The following ZBTB20 variants were observed in gnomAD, a reference collection of about 807,000 sequenced individuals.
ZBTB20 encodes zinc finger and BTB domain containing 20, also known as zinc finger and BTB domain-containing protein 20.
Under a neutral mutation model 56.9 loss-of-function variants are expected in ZBTB20, and 9 were observed. The observed-to-expected ratio is 0.16, with a 90% confidence interval of 0.10 to 0.28. The LOEUF is 0.28. Among genes scored for constraint, ZBTB20 ranks in the 10% least tolerant of loss-of-function variants. The pLI, the probability that ZBTB20 is intolerant of heterozygous loss-of-function variation, is 1.00. For synonymous variants in ZBTB20, 417 were observed against 420.7 expected (o/e 0.99, Z 0.11); for missense variants, 655 against 1,003.0 (o/e 0.65, Z 4.69).
chr3:114,479,069 G>A (rs970046796), intron 7 of ZBTB20, among the ~76,000 whole-genome samples: 4 of 149,248 alleles, frequency 2.7e-5, no homozygotes, highest in Non-Finnish European at 5.9e-5. Context: ...CCTCTATTGG[G>A]GGGGGGCCAC....
chr3:115,089,232 T>A (rs940512219), intron 1 of ZBTB20, among the ~76,000 whole-genome samples: 2 of 151,814 alleles, frequency 1.3e-5, no homozygotes, highest in Non-Finnish European at 2.9e-5. Flanking sequence ...CAGAATTCAA[T>A]CCCAGTTCTG....
At position 114,671,671 on chromosome 3, in the gene ZBTB20, T is replaced by C. The variant is rs752566468; in HGVS notation, c.-295+21857A>G. On this transcript the variant is annotated intron_variant, in intron 6 of 11. Coordinates refer to ENST00000675478, the MANE Select transcript of ZBTB20 (RefSeq NM_001348800.3). ...GATCGGTCTGTTCAGTGACTGGGAATAACCAGAGTGTTAAAAAAAAGATGA... is the reference window on the plus strand; with the variant it reads ...GATCGGTCTGTTCAGTGACTGGGAACAACCAGAGTGTTAAAAAAAAGATGA... Among the ~76,000 whole-genome samples, 23 of 151,858 alleles carry C rather than the reference T, an allele frequency of 1.5e-4. 1 individual carries two copies. The highest frequency in any genetic ancestry group is 2.9e-5 in the Non-Finnish European group (2 of 67,926).
intron 6 of ZBTB20, among the ~76,000 whole-genome samples, chr3:114,653,753 A>C (rs1264158216): frequency 6.6e-6 from 1 of 151,838 alleles, no homozygotes. Context: ...CTAAACCTGA[A>C]GTTCTTTTTT....
chr3:115,127,555 T>C (rs180731917), intron 1 of ZBTB20, among the ~76,000 whole-genome samples: 1 of 152,066 alleles, frequency 6.6e-6, no homozygotes, highest in Non-Finnish European at 1.5e-5. Context: ...GATCATGCCA[T>C]GCACTCCAGC....
chr3:115,122,608 TTTGTCCTGCC>T (rs2084214056), intron 1 of ZBTB20, among the ~76,000 whole-genome samples: 1 of 152,130 alleles, frequency 6.6e-6, no homozygotes, highest in Admixed American at 6.5e-5. Context: ...AGTGCCTTTA[TTTGTCCTGCC>T]TCTCCATAAA....
intron 7 of ZBTB20, among the ~76,000 whole-genome samples, chr3:114,404,843 T>C (rs2087155148): frequency 6.6e-6 from 1 of 152,170 alleles, no homozygotes; most frequent in African/African-American, 2.4e-5. Flanking sequence ...TCACCTAGAA[T>C]GCCCTCAGTT....
intron 4 of ZBTB20, among the ~76,000 whole-genome samples, chr3:114,877,050 G>T (rs545130425): frequency 9.2e-5 from 14 of 152,292 alleles, no homozygotes; most frequent in African/African-American, 2.9e-4. Context: ...CAACACCTTT[G>T]TTACAGTTGG....
chr3:114,818,207 G>T (rs148378164), intron 4 of ZBTB20, among the ~76,000 whole-genome samples: 1,757 of 151,980 alleles, frequency 0.012, 16 homozygotes, highest in South Asian at 0.042. Flanking sequence ...GAACACAATG[G>T]TGTTTCAATA....
At chr3:114,997,347 C>T (rs767991421) in intron 2 of ZBTB20, among the ~76,000 whole-genome samples, 2 of 151,612 alleles carry the variant, frequency 1.3e-5, no homozygotes, top group African/African-American at 2.4e-5. Flanking sequence ...TACAACCTTG[C>T]GAATATGCTA....
intron 5 of ZBTB20, among the ~76,000 whole-genome samples, chr3:114,755,877 G>T (rs2108674039): frequency 6.6e-6 from 1 of 152,200 alleles, no homozygotes; most frequent in East Asian, 1.9e-4. Flanking sequence ...GACAAATAAT[G>T]AAAATTATTT....
intron 6 of ZBTB20, chr3:114,658,340 G>C (rs1254853511): frequency 6.6e-6 from 1 of 151,944 alleles, no homozygotes; most frequent in South Asian, 2.1e-4. Context: ...TCTAAGAGAA[G>C]CATTTGCTAA....
rs2079450620 is a variant in ZBTB20 at position 114,336,295 on chromosome 3, A to G, written c.*2710T>C. 1 of 152,212 alleles carries G rather than the reference A, an allele frequency of 6.6e-6. No homozygotes were observed. Among genetic ancestry groups the G allele is most frequent in the African/African-American group, 2.4e-5 (1 of 41,446 alleles). 9.4% of individuals were successfully genotyped at this position (152,212 alleles called of 1,614,324 possible). A position where few individuals can be genotyped will look rare whatever the true frequency, so the allele number is the denominator to read the frequency against. ...TCAAAACAATTCCATGACATAGTTA[A>G]TTAATGCTCCCTCTATTGGTGGTAA... is the stretch of plus-strand genomic sequence containing the variant. On this transcript the variant is annotated 3_prime_UTR_variant, in exon 12 of 12. Transcript: ENST00000675478.
At chr3:114,857,947 C>G (rs1453934120) in intron 4 of ZBTB20, among the ~76,000 whole-genome samples, 2 of 152,122 alleles carry the variant, frequency 1.3e-5, no homozygotes, top group African/African-American at 4.8e-5. Flanking sequence ...TTGCTGGCCA[C>G]AGGAAAAGAA....
chr3:114,864,442 T>C (rs1007131156), intron 4 of ZBTB20, among the ~76,000 whole-genome samples: 33 of 151,946 alleles, frequency 2.2e-4, no homozygotes, highest in Admixed American at 3.3e-4. Flanking sequence ...CCTGGTCTCC[T>C]ATTTCTTAAG....
rs550175382 is a variant in ZBTB20 at position 114,523,360 on chromosome 3, G to T, written c.-294-22969C>A. Among the ~76,000 whole-genome samples, 59 of 152,288 alleles carry T rather than the reference G, an allele frequency of 3.9e-4. 1 individual carries two copies. Among genetic ancestry groups the T allele is most frequent in the African/African-American group, 1.4e-3 (58 of 41,564 alleles). ...GAGAACCAGAGCATAGGATTGGAGA[G>T]TGTTTATAGTGACTATACGCATTTC... On this transcript the variant is annotated intron_variant, in intron 6 of 11. Transcript: ENST00000675478.
At chr3:114,349,157 G>C (rs1190849343) in intron 11 of ZBTB20, among the ~76,000 whole-genome samples, 4 of 147,342 alleles carry the variant, frequency 2.7e-5, no homozygotes, top group Admixed American at 1.4e-4. Flanking sequence ...CCGAGATCAT[G>C]CTACTGCACT....
intron 6 of ZBTB20, among the ~76,000 whole-genome samples, chr3:114,656,230 G>A (rs930917390): frequency 6.6e-6 from 1 of 151,984 alleles, no homozygotes; most frequent in Non-Finnish European, 1.5e-5. Context: ...TTGTATCTTT[G>A]GTGTACAGAA....
chr3:114,967,956 C>CA (rs556742631), intron 3 of ZBTB20, among the ~76,000 whole-genome samples: 3,464 of 99,798 alleles, frequency 0.035, 43 homozygotes, highest in Middle Eastern at 0.11. Flanking sequence ...GACTCTGTCT[C>CA]AAAAAAAAAA....
chr3:114,580,802 A>G (rs2054569422), intron 6 of ZBTB20, among the ~76,000 whole-genome samples: 1 of 151,936 alleles, frequency 6.6e-6, no homozygotes, highest in African/African-American at 2.4e-5. Context: ...GGATATGAAG[A>G]TGATCACAAA....
Sources: allele counts gnomAD v4.1 joint callset (sites outside exome capture counted in the v4.1 genomes callset), GRCh38; gene constraint gnomAD v4.1.1; transcripts MANE v1.5; gene names NCBI Gene and HGNC (gene_info 2026-07-23, HGNC 2026-07-21).